The following DNAJC13 variants were observed in gnomAD, a reference collection of about 807,000 sequenced individuals.
DNAJC13 encodes the protein dnaJ homolog subfamily C member 13.
A neutral mutation model predicts 290.5 loss-of-function variants in DNAJC13; 75 were observed. The observed-to-expected ratio is 0.26, with a 90% CI of 0.21 to 0.31. DNAJC13 has a LOEUF of 0.31. Among genes scored for constraint, DNAJC13 ranks in the 10% least tolerant of loss-of-function variants. The pLI is 1.00. For missense variants in DNAJC13, 2,260 were observed against 2,674.5 expected, an observed-to-expected ratio of 0.85 and a Z score of 3.42; for synonymous variants, 862 against 892.0, an observed-to-expected ratio of 0.97 and a Z score of 0.60.
At chr3:132,419,229 G>A (rs1938885758) in intron 1 of DNAJC13, among the ~76,000 whole-genome samples, 1 of 152,128 alleles carries the variant, frequency 6.6e-6, no homozygotes, top group South Asian at 2.1e-4. Context: ...AGAATGTAAA[G>A]AACCTTAAGG....
intron 2 of DNAJC13, among the ~76,000 whole-genome samples, chr3:132,446,231 A>G (rs887155513): frequency 6.6e-5 from 10 of 151,990 alleles, no homozygotes; most frequent in Non-Finnish European, 8.8e-5. Flanking sequence ...TTGCTTGCAT[A>G]TAAATCATAC....
chr3:132,538,357 A>C lies in DNAJC13; in HGVS notation c.*75A>C, dbSNP rs1294571354. ...TTCCTCCAGCTGATACGTTGAAGCA[A>C]ACTCTTACTGCCTTTCTCCTGGTTT... On this transcript the variant is annotated 3_prime_UTR_variant, in exon 56 of 56. Transcript: ENST00000260818. The C allele has an allele frequency of 2.0e-5, 22 of 1,096,942 alleles. No individual in the cohort carries two copies. The highest frequency in any genetic ancestry group is 2.9e-5 in the Non-Finnish European group (21 of 736,804). 68.0% of individuals were successfully genotyped at this position (1,096,942 alleles called of 1,614,324 possible).
At chr3:132,523,748 C>A in intron 51 of DNAJC13, 35 bp downstream of exon 51, 1 of 1,588,652 alleles carries the variant, frequency 6.3e-7, no homozygotes, top group Non-Finnish European at 8.6e-7. Flanking sequence ...ATTTCAAAGA[C>A]TTGGCTAACT....
Position 132,516,442 on chromosome 3 carries a change from ACT to A in DNAJC13, c.5509_5510del (p.Tyr1838CysfsTer48). ...TGCAGGTCGTCAGCTTGTTCTGGAA[ACT>A]CTTTATGCTTTGACATCGAGTACAA... ...LPSSRQLVLE[T>X]LYALTSSTKI... On this transcript the variant is annotated frameshift_variant, in exon 47 of 56. Transcript: ENST00000260818. LOFTEE classifies it high-confidence loss of function. 6.2e-7 allele frequency: 1 copy of A among 1,613,560 alleles called. No individual in the cohort carries two copies. Among genetic ancestry groups the A allele is most frequent in the Non-Finnish European group, 8.5e-7 (1 of 1,179,720 alleles).
chr3:132,455,813 G>A (rs1480212669), intron 9 of DNAJC13, among the ~76,000 whole-genome samples: 2 of 152,164 alleles, frequency 1.3e-5, no homozygotes, highest in Admixed American at 1.3e-4. Flanking sequence ...GTGGTTTCCT[G>A]GGGCTGGGGA....
In DNAJC13 at chr3:132,529,419, G is replaced by A. The variant is rs141762318; in HGVS notation, c.6525+1087G>A. Among the ~76,000 whole-genome samples, 15 of 152,218 alleles carry A rather than the reference G, an allele frequency of 9.9e-5. No individual in the cohort carries two copies. In the East Asian group the frequency reaches 2.9e-3, roughly 29 times the overall value. ...ACAGCTTCCCGGTAATGAATTTACT[G>A]GATTTGTATGTTTCAAGTAAAGAAA... is the stretch of plus-strand genomic sequence containing the variant. On this transcript the variant is annotated intron_variant, in intron 54 of 55. Transcript: ENST00000260818.
At chr3:132,454,807 T>C (rs1048072978) in intron 9 of DNAJC13, among the ~76,000 whole-genome samples, 2 of 151,828 alleles carry the variant, frequency 1.3e-5, no homozygotes, top group African/African-American at 2.4e-5. Context: ...AAAAAAAAAG[T>C]ATGGATGTTC....
intron 2 of DNAJC13, among the ~76,000 whole-genome samples, chr3:132,436,558 G>C (rs1205334189): frequency 6.6e-6 from 1 of 152,142 alleles, no homozygotes; most frequent in Non-Finnish European, 1.5e-5. Context: ...GAGTGGAATT[G>C]GTGGGTTATG....
At chr3:132,470,208 C>T (rs1406409639) in intron 20 of DNAJC13, among the ~76,000 whole-genome samples, 1 of 58,446 alleles carries the variant, frequency 1.7e-5, no homozygotes, top group African/African-American at 8.3e-5. Context: ...ATGCTGTCTT[C>T]AAGCATCTGT....
At chr3:132,497,831 GT>G (rs1391425093) in intron 36 of DNAJC13, among the ~76,000 whole-genome samples, 3 of 151,006 alleles carry the variant, frequency 2.0e-5, no homozygotes, top group Admixed American at 2.0e-4. Context: ...GTTATTCACT[GT>G]TCTTTCTTAT....
Position 132,516,494 on chromosome 3 carries a change from A to T in DNAJC13, c.5558A>T (p.Lys1853Met). 6.2e-7 allele frequency: 1 copy of T among 1,613,752 alleles called. No individual in the cohort carries two copies. Among genetic ancestry groups the T allele is most frequent in the East Asian group, 2.2e-5 (1 of 44,872 alleles). Residue 1853 changes from lysine (K) to methionine (M), a missense_variant and splice_region_variant, in exon 47 of 56, where the codon AAG becomes ATG. Coordinates refer to ENST00000260818, the MANE Select transcript of DNAJC13 (RefSeq NM_015268.4). ...AAAATAATCAAAGAAGCAATGGCAA[A>T]GGGTAATGTATAGAGTGCTTTCTTA... ...STKIIKEAMAKGALIYLLDMF... is the reference protein window; with the variant it reads ...STKIIKEAMAMGALIYLLDMF...
At chr3:132,469,743 A>C (rs918224782) in intron 20 of DNAJC13, among the ~76,000 whole-genome samples, 3 of 151,986 alleles carry the variant, frequency 2.0e-5, no homozygotes, top group African/African-American at 7.2e-5. Context: ...ACATTTTCTT[A>C]TATAACTTTT....
rs982741067 is a variant in DNAJC13 at position 132,495,317 on chromosome 3, T to A, written c.4020+151T>A. ...TAAACTTCTGGCCACATGCCCATAG[T>A]TTCTGCATGGATGATGCTCCCTCAG... On this transcript the variant is annotated intron_variant, in intron 35 of 55. Coordinates refer to ENST00000260818, the MANE Select transcript of DNAJC13 (RefSeq NM_015268.4). The A allele has an allele frequency of 7.0e-6, 4 of 568,026 alleles. No individual in the cohort carries two copies. The African/African-American group carries it at 7.6e-5, about 11-fold the overall frequency. The allele number at this position is 568,026 out of a possible 1,614,324, so 35.2% of individuals were successfully genotyped here.
rs1357352665 is a variant in DNAJC13, at chr3:132,453,607, TAA to T, written c.756_757del (p.Arg253SerfsTer13). On this transcript the variant is annotated frameshift_variant, in exon 8 of 56. Transcript: ENST00000260818. LOFTEE classifies it high-confidence loss of function. The stretch of plus-strand genomic sequence containing the variant: ...AATTTTATTTTTTGAAGGAGCCTGT[TAA>T]AAGAGTTCTAGCACTTACAGAAACA... ...KISPRHSEPV[K>X]RVLALTETCL... 2 of 1,611,340 alleles carry T rather than the reference TAA, an allele frequency of 1.2e-6. No homozygotes were observed. Among genetic ancestry groups the T allele is most frequent in the Non-Finnish European group, 8.5e-7 (1 of 1,179,308 alleles).
intron 22 of DNAJC13, among the ~76,000 whole-genome samples, chr3:132,477,202 T>C (rs1462277552): frequency 6.6e-6 from 1 of 152,246 alleles, no homozygotes; most frequent in Non-Finnish European, 1.5e-5. Context: ...GGAAAAAGAA[T>C]TCTGATCTGG....
At chr3:132,502,153 A>G in intron 39 of DNAJC13, 136 bp from the exon 40 acceptor site, 1 of 669,932 alleles carries the variant, frequency 1.5e-6, no homozygotes, top group South Asian at 3.3e-5. Flanking sequence ...ATTGGAATTG[A>G]AAATGTAAGA....
intron 20 of DNAJC13, among the ~76,000 whole-genome samples, chr3:132,469,876 C>T (rs1934127334): frequency 1.3e-5 from 2 of 148,408 alleles, no homozygotes; most frequent in African/African-American, 4.9e-5. Context: ...TAATCTATAC[C>T]ACTTTCTACT....
chr3:132,533,690 G>A (rs1936499603), intron 55 of DNAJC13, among the ~76,000 whole-genome samples: 1 of 152,112 alleles, frequency 6.6e-6, no homozygotes, highest in African/African-American at 2.4e-5. Context: ...AATTGGCCCT[G>A]AAGAATAGTA....
intron 39 of DNAJC13, among the ~76,000 whole-genome samples, chr3:132,501,992 G>C (rs577700390): frequency 1.3e-5 from 2 of 152,250 alleles, no homozygotes; most frequent in Non-Finnish European, 2.9e-5. Flanking sequence ...TTGATGCCAT[G>C]TCACTATTTT....
Sources: gnomAD v4.1 joint callset for allele counts (sites outside exome capture counted in the v4.1 genomes callset) on GRCh38, gnomAD v4.1.1 for gene constraint, MANE v1.5 for transcripts, NCBI Gene and HGNC (gene_info 2026-07-23, HGNC 2026-07-21) for gene names.